The following D2HGDH variants were observed in gnomAD, a reference collection of about 807,000 sequenced individuals.
The protein encoded by D2HGDH is D-2-hydroxyglutarate dehydrogenase, mitochondrial.
Under a neutral mutation model 46.9 loss-of-function variants are expected in D2HGDH, and 31 were observed. The observed-to-expected ratio is 0.66, with a 90% CI of 0.50 to 0.89. The LOEUF (loss-of-function observed/expected upper bound fraction) is 0.89. Ranked by LOEUF, D2HGDH falls within the 40% of genes least tolerant of loss-of-function variation. The probability of loss-of-function intolerance (pLI) is 0.00; values close to 1 mark genes in which losing one functional copy is unlikely to be tolerated. For missense variants in D2HGDH, 698 were observed against 720.8 expected (o/e 0.97, Z 0.36); for synonymous variants, 364 against 332.6 (o/e 1.09, Z -1.03).
At chr2:241,753,213 A>G (rs1406964107) in intron 8 of D2HGDH, among the ~76,000 whole-genome samples, 2 of 152,204 alleles carry the variant, frequency 1.3e-5, no homozygotes, top group Non-Finnish European at 2.9e-5. Context: ...TGCAGATAGC[A>G]AAACGACCCT....
intron 8 of D2HGDH, among the ~76,000 whole-genome samples, chr2:241,753,614 C>T (rs968291225): frequency 2.5e-4 from 38 of 152,208 alleles, no homozygotes; most frequent in African/African-American, 2.4e-4. Context: ...CTGTGTTCAA[C>T]GGGGGACACT....
rs766891850 is a variant in D2HGDH at position 241,735,397 on chromosome 2, C to A, written c.173C>A (p.Pro58Gln). The A allele has an allele frequency of 1.3e-6, 2 of 1,598,480 alleles. No individual in the cohort carries two copies. The highest frequency in any genetic ancestry group is 1.7e-6 in the Non-Finnish European group (2 of 1,175,658). ...GAGCGCTACCCCGTGCGGCGCTTGC[C>A]GTTCTCCACGGTGTCTAAGCAGGAC... ...TRERYPVRRL[P>Q]FSTVSKQDLA... is the part of the protein sequence containing the mutation. Residue 58 changes from proline (P) to glutamine (Q), a missense_variant, in exon 2 of 10, where the codon CCG (proline) becomes CAG (glutamine). By Grantham distance (76) the Pro-to-Gln change is moderately conservative. Coordinates refer to ENST00000321264, the MANE Select transcript of D2HGDH (RefSeq NM_152783.5).
Position 241,737,191 on chromosome 2 carries a change from C to T in D2HGDH, c.292+1675C>T, listed in dbSNP as rs552727468. On this transcript the variant is annotated intron_variant, in intron 2 of 9. Transcript: ENST00000321264. ...TTTATCGTGTTAGCCAGGATGGTCT[C>T]AATCTCCTGACATCGTGATCCGCCT... is the stretch of plus-strand genomic sequence containing the variant. Among the ~76,000 whole-genome samples, 13 of 152,200 alleles carry T rather than the reference C, an allele frequency of 8.5e-5. No individual in the cohort carries two copies. In the South Asian group the frequency reaches 2.7e-3, roughly 32 times the overall value.
In D2HGDH at chr2:241,750,265, G is replaced by A. The variant is rs988069320; in HGVS notation, c.968G>A (p.Arg323His). The A allele has an allele frequency of 7.4e-6, 12 of 1,613,546 alleles. No individual in the cohort carries two copies. The highest frequency in any genetic ancestry group is 1.3e-5 in the African/African-American group (1 of 74,904). ...MDAVCMQLVG[R>H]HLHLASPVQE... is the part of the protein sequence containing the mutation. Reference sequence around the variant, plus strand: ...GCTGTGTGCATGCAGCTGGTCGGGCGCCATCTCCACCTGGCCAGCCCGGTG... The same window carrying A: ...GCTGTGTGCATGCAGCTGGTCGGGCACCATCTCCACCTGGCCAGCCCGGTG... Residue 323 changes from arginine to histidine, a missense_variant, in exon 7 of 10, where the codon CGC (arginine) becomes CAC (histidine). By Grantham distance (29) the Arg-to-His change is conservative. Transcript: ENST00000321264.
intron 8 of D2HGDH, 172 bp from the exon 9 acceptor site, chr2:241,755,677 C>A: frequency 6.5e-7 from 1 of 1,547,744 alleles, no homozygotes; most frequent in South Asian, 1.2e-5. Flanking sequence ...CTGGGACATT[C>A]GCTGTCTGGG....
At chr2:241,763,085 CA>C (rs1229585752) in intron 9 of D2HGDH, among the ~76,000 whole-genome samples, 1 of 152,208 alleles carries the variant, frequency 6.6e-6, no homozygotes, top group Non-Finnish European at 1.5e-5. Context: ...CTTTAATCTC[CA>C]CATTCTCAGC....
At position 241,735,378 on chromosome 2, in the gene D2HGDH, T is replaced by C. The variant is rs746933703; in HGVS notation, c.154T>C (p.Tyr52His). The C allele has an allele frequency of 6.3e-7, 1 of 1,584,210 alleles. No homozygotes were observed. The highest frequency in any genetic ancestry group is 8.6e-7 in the Non-Finnish European group (1 of 1,169,148). The change falls in exon 2 of 10, where the codon TAC becomes CAC. Residue 52 changes from tyrosine (Y) to histidine (H), a missense_variant. By Grantham distance (83) the Tyr-to-His change is moderately conservative (BLOSUM62 2). Coordinates refer to ENST00000321264, the MANE Select transcript of D2HGDH (RefSeq NM_152783.5). The part of the protein sequence containing the change: ...TPEVPLTRER[Y>H]PVRRLPFSTV... ...CGAGGTGCCGCTGACCCGGGAGCGC[T>C]ACCCCGTGCGGCGCTTGCCGTTCTC...
At chr2:241,747,184 G>C (rs973750414) in intron 6 of D2HGDH, among the ~76,000 whole-genome samples, 1 of 152,148 alleles carries the variant, frequency 6.6e-6, no homozygotes, top group African/African-American at 2.4e-5. Context: ...GCCTCCTAAA[G>C]TGCGGGGGTT....
intron 9 of D2HGDH, among the ~76,000 whole-genome samples, chr2:241,764,029 G>A (rs1296041785): frequency 6.6e-6 from 1 of 152,242 alleles, no homozygotes; most frequent in Non-Finnish European, 1.5e-5. Flanking sequence ...CTGGGTGACA[G>A]AGGGAGACCC....
chr2:241,764,838 G>C lies in D2HGDH; in HGVS notation c.1307-2872G>C, dbSNP rs943056783. ...GAGCTGGTTTCTGGCTCCCTCTCCT[G>C]CTGGCCCGGAGGTGGGGCGGGGTCC... On this transcript the variant is annotated intron_variant, in intron 9 of 9. Coordinates refer to ENST00000321264, the MANE Select transcript of D2HGDH (RefSeq NM_152783.5). 7.9e-5 allele frequency among the ~76,000 whole-genome samples: 12 copies of C among 152,334 alleles called. No homozygotes were observed. The East Asian group carries it at 2.3e-3, about 29-fold the overall frequency.
At chr2:241,756,752 C>G (rs1202848254) in intron 9 of D2HGDH, among the ~76,000 whole-genome samples, 3 of 152,190 alleles carry the variant, frequency 2.0e-5, no homozygotes, top group African/African-American at 4.8e-5. Flanking sequence ...GAACTCCTGA[C>G]CTCTGGTGAT....
intron 9 of D2HGDH, among the ~76,000 whole-genome samples, chr2:241,765,322 C>T (rs1361142888): frequency 1.8e-5 from 2 of 113,512 alleles, no homozygotes; most frequent in Non-Finnish European, 3.7e-5. Flanking sequence ...AGATGGGAGC[C>T]CCGGGCTGAG....
chr2:241,764,197 G>C (rs1017751392), intron 9 of D2HGDH, among the ~76,000 whole-genome samples: 14 of 152,192 alleles, frequency 9.2e-5, no homozygotes, highest in Non-Finnish European at 1.8e-4. Context: ...GGCGGGGACT[G>C]GGGGGCGACG....
rs775013239 is a variant in D2HGDH at position 241,767,706 on chromosome 2, C to G, written c.1307-4C>G. 6.2e-7 allele frequency: 1 copy of G among 1,612,566 alleles called. No homozygotes were observed. Among genetic ancestry groups the G allele is most frequent in the Non-Finnish European group, 8.5e-7 (1 of 1,179,524 alleles). ...GCCTGACCCATGTGCCCTTGTCCCTCCAGGAGATGGTAACCTGCACCTCAA... is the reference window on the plus strand; with the variant it reads ...GCCTGACCCATGTGCCCTTGTCCCTGCAGGAGATGGTAACCTGCACCTCAA... On this transcript the variant is annotated splice_region_variant and splice_polypyrimidine_tract_variant and intron_variant, in intron 9 of 9. Coordinates refer to ENST00000321264, the MANE Select transcript of D2HGDH (RefSeq NM_152783.5).
chr2:241,742,330 G>A lies in D2HGDH; in HGVS notation c.351-105G>A, dbSNP rs1575213879. 57 of 1,438,752 alleles carry A rather than the reference G, an allele frequency of 4.0e-5. No individual in the cohort carries two copies. In the East Asian group the frequency reaches 1.4e-3, roughly 35 times the overall value. 89.1% of individuals were successfully genotyped at this position (1,438,752 alleles called of 1,614,324 possible). On this transcript the variant is annotated intron_variant, in intron 3 of 9. Transcript: ENST00000321264. The surrounding 1 kb of genome is among the most constrained non-coding windows in gnomAD (Gnocchi z 4.8). The stretch of plus-strand genomic sequence containing the variant: ...CCCGCTGAGGCTGCAGGCAGGGCAG[G>A]GTAATCAGGATTTGGAGTCAGGCAC...
At chr2:241,752,571 G>T (rs371275932) in intron 8 of D2HGDH, among the ~76,000 whole-genome samples, 2 of 152,084 alleles carry the variant, frequency 1.3e-5, no homozygotes, top group African/African-American at 4.8e-5. Flanking sequence ...CAGTCCAGGG[G>T]CCCGGGCTGA....
At chr2:241,750,382 G>T in intron 7 of D2HGDH, 88 bp downstream of exon 7, 1 of 1,518,964 alleles carries the variant, frequency 6.6e-7, no homozygotes, top group Non-Finnish European at 8.9e-7. Context: ...CCCCGGGTGG[G>T]CGGGGGGTGC....
At chr2:241,738,990 C>T (rs1248605155) in intron 2 of D2HGDH, among the ~76,000 whole-genome samples, 1 of 152,230 alleles carries the variant, frequency 6.6e-6, no homozygotes, top group Non-Finnish European at 1.5e-5. Flanking sequence ...AGACCATTTG[C>T]TCAGGATGGA....
At chr2:241,747,371 A>G (rs1696130032) in intron 6 of D2HGDH, among the ~76,000 whole-genome samples, 1 of 147,984 alleles carries the variant, frequency 6.8e-6, no homozygotes, top group Admixed American at 6.8e-5. Flanking sequence ...GCCAAAGACG[A>G]GGTACCTTCC....
Sources: gnomAD v4.1 joint callset for allele counts (sites outside exome capture counted in the v4.1 genomes callset) on GRCh38, gnomAD v4.1.1 for gene constraint, Gnocchi (gnomAD v3.1) non-coding constraint, MANE v1.5 for transcripts, NCBI Gene and HGNC (gene_info 2026-07-23, HGNC 2026-07-21) for gene names.